ACAD11: variants seen among roughly 807,000 people sequenced by gnomAD.
ACAD11 encodes acyl-Coenzyme A dehydrogenase family, member 11.
A neutral mutation model predicts 102.2 loss-of-function variants in ACAD11; 83 were observed. The ratio of observed to expected loss-of-function variants is 0.81; its 90% CI spans 0.68 to 0.97. ACAD11 has a LOEUF of 0.97. ACAD11 is among the 50% of genes least tolerant of loss of function. ACAD11 has a pLI of 0.00. For missense variants in ACAD11, 901 were observed against 951.7 expected (o/e 0.95, Z 0.70); for synonymous variants, 324 against 319.8 (o/e 1.01, Z -0.14).
intron 13 of ACAD11, among the ~76,000 whole-genome samples, chr3:132,585,452 A>C (rs1368319002): frequency 6.6e-6 from 1 of 152,218 alleles, no homozygotes; most frequent in African/African-American, 2.4e-5. Context: ...TTCATGTCTA[A>C]AACACCAAAA....
chr3:132,639,867 GT>G (rs1218559515), intron 4 of ACAD11, among the ~76,000 whole-genome samples: 1 of 151,718 alleles, frequency 6.6e-6, no homozygotes, highest in Non-Finnish European at 1.5e-5. Context: ...TACTTACCTA[GT>G]TTTTTATCAA....
At chr3:132,596,578 C>T (rs1938318915) in intron 13 of ACAD11, among the ~76,000 whole-genome samples, 1 of 152,098 alleles carries the variant, frequency 6.6e-6, no homozygotes, top group African/African-American at 2.4e-5. Context: ...AGGGCCAAAT[C>T]AGCATAAATT....
chr3:132,588,262 T>C (rs1400182448), intron 13 of ACAD11, among the ~76,000 whole-genome samples: 7 of 152,034 alleles, frequency 4.6e-5, no homozygotes, highest in Non-Finnish European at 5.9e-5. Flanking sequence ...CTGTTATCTG[T>C]GGGAAGGTTC....
At chr3:132,622,668 C>A (rs542983960) in intron 9 of ACAD11, among the ~76,000 whole-genome samples, 4 of 152,002 alleles carry the variant, frequency 2.6e-5, no homozygotes, top group Non-Finnish European at 5.9e-5. Flanking sequence ...TATAAAGAAC[C>A]CTTCTTTGGT....
intron 1 of ACAD11, among the ~76,000 whole-genome samples, chr3:132,658,050 T>C (rs1303712669): frequency 6.6e-6 from 1 of 151,788 alleles, no homozygotes; most frequent in Non-Finnish European, 1.5e-5. Context: ...TTAGTAGAGA[T>C]GGGGGTTTCA....
chr3:132,587,256 C>T lies in ACAD11; in HGVS notation c.1622-7698G>A, dbSNP rs192354525. 6.6e-5 allele frequency among the ~76,000 whole-genome samples: 10 copies of T among 152,292 alleles called. No homozygotes were observed. The South Asian group carries it at 2.1e-3, about 32-fold the overall frequency. On this transcript the variant is annotated intron_variant, in intron 13 of 19. Transcript: ENST00000264990. ...TTTTTTCAAATGCAAATCTCTCCCT[C>T]TTGCCTCTTCTGGAACTCTAATCAC...
chr3:132,586,967 G>A (rs1227047802), intron 13 of ACAD11, among the ~76,000 whole-genome samples: 11 of 152,102 alleles, frequency 7.2e-5, no homozygotes, highest in South Asian at 6.2e-4. Context: ...GGTGGTGGGC[G>A]CCTGTAATCC....
In ACAD11 at chr3:132,642,822, A is replaced by C. The variant is rs745794638; in HGVS notation, c.250-20T>G. 1 of 1,594,486 alleles carries C rather than the reference A, an allele frequency of 6.3e-7. No individual in the cohort carries two copies. On this transcript the variant is annotated intron_variant, in intron 2 of 19. Transcript: ENST00000264990. ...ATCAATCTAAATAGGATGATGAATC[A>C]TTAAAAATCAGAGAAACTGATTTAA...
intron 18 of ACAD11, among the ~76,000 whole-genome samples, chr3:132,560,593 G>T (rs1165712652): frequency 6.6e-6 from 1 of 151,684 alleles, no homozygotes; most frequent in Non-Finnish European, 1.5e-5. Flanking sequence ...TTTTTTAAGA[G>T]ACAGGGTCTC....
chr3:132,637,871 T>A lies in ACAD11; in HGVS notation c.702+1621A>T, dbSNP rs563683298. 2.6e-5 allele frequency among the ~76,000 whole-genome samples: 4 copies of A among 152,314 alleles called. No individual in the cohort carries two copies. The East Asian group carries it at 7.7e-4, about 29-fold the overall frequency. ...TTGTTTATTCTTCTTTCTTAATTGTTGTGTTTTCTGATGACAAAAATTAAA... is the reference window on the plus strand; with the variant it reads ...TTGTTTATTCTTCTTTCTTAATTGTAGTGTTTTCTGATGACAAAAATTAAA... On this transcript the variant is annotated intron_variant, in intron 5 of 19. Coordinates refer to ENST00000264990, the MANE Select transcript of ACAD11 (RefSeq NM_032169.5).
intron 1 of ACAD11, among the ~76,000 whole-genome samples, chr3:132,648,186 T>C (rs139029285): frequency 0.014 from 2,079 of 152,296 alleles, 27 homozygotes; most frequent in Non-Finnish European, 0.021. Flanking sequence ...ACATAACTAG[T>C]TGAAAGAACC....
At chr3:132,627,700 A>C (rs937817834) in intron 8 of ACAD11, among the ~76,000 whole-genome samples, 1 of 152,242 alleles carries the variant, frequency 6.6e-6, no homozygotes, top group Non-Finnish European at 1.5e-5. Context: ...AGACCTGTAA[A>C]GGTCATTATG....
At position 132,659,681 on chromosome 3, in the gene ACAD11, G is replaced by C. The variant is rs148497159; in HGVS notation, c.71C>G (p.Ser24Cys). 2.5e-6 allele frequency: 4 copies of C among 1,611,404 alleles called. No individual in the cohort carries two copies. In the South Asian group the frequency reaches 4.4e-5, roughly 18 times the overall value. Residue 24 changes from serine to cysteine, a missense_variant, in exon 1 of 20, where the codon TCC becomes TGC. Ser to Cys is a moderately radical substitution (Grantham distance 112, BLOSUM62 -1). Coordinates refer to ENST00000264990, the MANE Select transcript of ACAD11 (RefSeq NM_032169.5). The stretch of plus-strand genomic sequence containing the variant: ...GTGCTGGTTTAGGTAGGCCTCCAGG[G>C]ACTTGCTGTCGAACTTGTGCTGGGG... ...VLPQHKFDSK[S>C]LEAYLNQHLS...
chr3:132,614,605 G>C (rs1559959406), intron 11 of ACAD11, among the ~76,000 whole-genome samples: 2 of 152,184 alleles, frequency 1.3e-5, no homozygotes, highest in African/African-American at 4.8e-5. Context: ...ATGGTGTTGG[G>C]AAAACTGGCT....
rs796230729 is a variant in ACAD11 at position 132,623,347 on chromosome 3, G to A, written c.1197+3344C>T. On this transcript the variant is annotated intron_variant, in intron 9 of 19. Coordinates refer to ENST00000264990, the MANE Select transcript of ACAD11 (RefSeq NM_032169.5). ...TGTAAGCTTAGTTATAATAATGTTG[G>A]ATAGAATCTTATATAGATTTTTCCC... Among the ~76,000 whole-genome samples, 6 of 152,028 alleles carry A rather than the reference G, an allele frequency of 3.9e-5. No individual in the cohort carries two copies. In the South Asian group the frequency reaches 1.3e-3, roughly 32 times the overall value.
chr3:132,582,510 G>T (rs1448227650), intron 13 of ACAD11, among the ~76,000 whole-genome samples: 2 of 151,884 alleles, frequency 1.3e-5, no homozygotes, highest in Non-Finnish European at 2.9e-5. Context: ...TTCCCAAGTA[G>T]GAGACTGAGA....
rs1039377839 is a variant in ACAD11, at chr3:132,578,850, T to C, written c.1720A>G (p.Met574Val). Residue 574 changes from methionine (M) to valine (V), a missense_variant, in exon 15 of 20, where the codon ATG becomes GTG. Met to Val is a conservative substitution (Grantham distance 21). Transcript: ENST00000264990. ...HKQHSMILVPMNTPGVKIIRP... is the reference protein window; with the variant it reads ...HKQHSMILVPVNTPGVKIIRP... Reference sequence around the variant, plus strand: ...ATTATTTTTACTCCAGGTGTGTTCATGGGAACAAGAATCATGCTGTGCTGT... The same window carrying C: ...ATTATTTTTACTCCAGGTGTGTTCACGGGAACAAGAATCATGCTGTGCTGT... 3.1e-6 allele frequency: 5 copies of C among 1,613,032 alleles called. No individual in the cohort carries two copies. The highest frequency in any genetic ancestry group is 1.3e-5 in the African/African-American group (1 of 74,884).
At chr3:132,613,424 CAAACA>C (rs1235252581) in intron 11 of ACAD11, among the ~76,000 whole-genome samples, 4 of 332 alleles carry the variant, frequency 0.012, no homozygotes, top group Middle Eastern at 0.5. Flanking sequence ...ACAAAACAAA[CAAACA>C]AAAAAAGAAA....
chr3:132,629,380 G>A (rs62291520), intron 7 of ACAD11, among the ~76,000 whole-genome samples: 2 of 152,070 alleles, frequency 1.3e-5, no homozygotes, highest in African/African-American at 4.8e-5. Context: ...GGCTGGTCTC[G>A]AACTCCTGAC....
Sources: gnomAD v4.1 joint callset for allele counts (sites outside exome capture counted in the v4.1 genomes callset) on GRCh38, gnomAD v4.1.1 for gene constraint, MANE v1.5 for transcripts, NCBI Gene and HGNC (gene_info 2026-07-23, HGNC 2026-07-21) for gene names.